Variants in DNAH2 observed in about 807,000 individuals in gnomAD.
The protein encoded by DNAH2 is axonemal beta dynein heavy chain 2.
DNAH2 carries 323 observed loss-of-function variants against 523.5 expected under a neutral mutation model. The observed-to-expected ratio is 0.62, with a 90% CI of 0.56 to 0.68. DNAH2 has a LOEUF of 0.68. DNAH2 is among the 30% of genes least tolerant of loss of function. DNAH2 has a pLI of 0.00. For synonymous variants in DNAH2, 2,093 were observed against 2,177.4 expected (o/e 0.96, Z 1.08); for missense variants, 4,907 against 5,701.5 (o/e 0.86, Z 4.49).
intron 11 of DNAH2, among the ~76,000 whole-genome samples, chr17:7,741,228 T>C (rs536923739): frequency 5.0e-5 from 7 of 141,088 alleles, no homozygotes; most frequent in East Asian, 2.1e-4. Flanking sequence ...TTTCTTTTTT[T>C]TCTCTCTCTC....
intron 49 of DNAH2, among the ~76,000 whole-genome samples, chr17:7,794,728 G>A (rs1322552177): frequency 2.0e-5 from 3 of 151,692 alleles, no homozygotes. Flanking sequence ...TCTGTAATCA[G>A]GAGAAATAAT....
intron 77 of DNAH2, among the ~76,000 whole-genome samples, 156 bp from the exon 78 acceptor site, chr17:7,830,144 T>C (rs1017232863): frequency 6.6e-6 from 1 of 152,188 alleles, no homozygotes; most frequent in Non-Finnish European, 1.5e-5. Flanking sequence ...AATGTAGATC[T>C]TGGCATGTAG....
chr17:7,751,568 G>T (rs974803258), intron 12 of DNAH2, among the ~76,000 whole-genome samples: 1 of 151,954 alleles, frequency 6.6e-6, no homozygotes, highest in African/African-American at 2.4e-5. Context: ...TTTCCTGATG[G>T]CTAGAGCCAT....
chr17:7,826,525 T>C (rs1409116274), intron 77 of DNAH2, among the ~76,000 whole-genome samples: 1 of 146,632 alleles, frequency 6.8e-6, no homozygotes, highest in African/African-American at 2.5e-5. Context: ...AATATCTGTG[T>C]GCCCATCATC....
Position 7,818,333 on chromosome 17 carries a change from T to C in DNAH2, c.10409T>C (p.Ile3470Thr), listed in dbSNP as rs1469376078. The C allele has an allele frequency of 3.8e-5, 61 of 1,614,010 alleles. No individual in the cohort carries two copies. Among genetic ancestry groups the C allele is most frequent in the Non-Finnish European group, 4.7e-5 (55 of 1,180,022 alleles). ...ARIGGRLLMRIGDKEVEYNTN... is the reference protein window; with the variant it reads ...ARIGGRLLMRTGDKEVEYNTN... ...GCAGGTGGTCGGCTGTTGATGCGCA[T>C]TGGCGATAAGGAGGTGGAATATAAT... Residue 3470 changes from isoleucine (I) to threonine (T), a missense_variant, in exon 69 of 86, where the codon ATT (isoleucine) becomes ACT (threonine). Around this residue, in one of 3 missense-constraint regions of DNAH2, gnomAD observed 1,851 missense variants for 2,139.4 expected, o/e 0.87. Coordinates refer to ENST00000572933, the MANE Select transcript of DNAH2 (RefSeq NM_020877.5).
chr17:7,816,990 G>C (rs1217678408), intron 64 of DNAH2, among the ~76,000 whole-genome samples: 2 of 152,160 alleles, frequency 1.3e-5, no homozygotes, highest in East Asian at 3.9e-4. Context: ...AAGGACTCTT[G>C]ATGTAGCCCA....
chr17:7,826,105 C>T (rs543696895), intron 77 of DNAH2, among the ~76,000 whole-genome samples: 25 of 152,306 alleles, frequency 1.6e-4, no homozygotes, highest in African/African-American at 2.9e-4. Flanking sequence ...GCCTGGGCTC[C>T]GCCTCCCAGG....
At chr17:7,776,945 A>G (rs1597622783) in intron 32 of DNAH2, 56 bp downstream of exon 32, 2 of 1,429,830 alleles carry the variant, frequency 1.4e-6, no homozygotes, top group East Asian at 4.9e-5. Flanking sequence ...TGGGAGGCAG[A>G]GGTGGTAGGA....
chr17:7,830,914 G>C, intron 79 of DNAH2, 72 bp downstream of exon 79: 1 of 1,591,424 alleles, frequency 6.3e-7, no homozygotes, highest in Non-Finnish European at 8.6e-7. Context: ...CAGGGGTGGG[G>C]GTAATGTTTG....
rs1355219038 is a variant in DNAH2, at chr17:7,821,784, G to A, written c.11142+415G>A. Among the ~76,000 whole-genome samples, 1 of 152,112 alleles carries A rather than the reference G, an allele frequency of 6.6e-6. No homozygotes were observed. The highest frequency in any genetic ancestry group is 2.4e-5 in the African/African-American group (1 of 41,396). On this transcript the variant is annotated intron_variant, in intron 73 of 85. Coordinates refer to ENST00000572933, the MANE Select transcript of DNAH2 (RefSeq NM_020877.5). The surrounding 1 kb of genome is among the most constrained non-coding windows in gnomAD (Gnocchi z 5.0). ...CCAGCTCCTCTTCCCCTCTGTCCCT[G>A]CGCGGCCAGTGCACTGAGCATGGCC...
intron 5 of DNAH2, 49 bp downstream of exon 5, chr17:7,733,364 T>C (rs981279189): frequency 1.3e-6 from 2 of 1,583,004 alleles, no homozygotes; most frequent in African/African-American, 2.7e-5. Context: ...GTCCCCCAAC[T>C]GTACAACTAG....
At chr17:7,743,581 G>A (rs1473112619) in intron 12 of DNAH2, 7 of 556,384 alleles carry the variant, frequency 1.3e-5, no homozygotes, top group African/African-American at 3.8e-5. Context: ...TGGGAGGATC[G>A]CCTGAGCCCG....
intron 18 of DNAH2, among the ~76,000 whole-genome samples, chr17:7,762,634 G>A (rs762458132): frequency 1.3e-5 from 2 of 151,904 alleles, no homozygotes; most frequent in Non-Finnish European, 2.9e-5. Context: ...AAGCCCGGCC[G>A]ACTTTGCATA....
chr17:7,755,551 C>G (rs774838843), intron 12 of DNAH2, among the ~76,000 whole-genome samples: 1 of 152,022 alleles, frequency 6.6e-6, no homozygotes, highest in African/African-American at 2.4e-5. Context: ...GAAGAAAAAC[C>G]AGGGGTCAGT....
Position 7,779,384 on chromosome 17 carries a change from C to T in DNAH2, c.5683C>T (p.Leu1895=). ...HFHFDGFEIN[L]VWSCGIFITM... The stretch of plus-strand genomic sequence containing the variant: ...CCATTTTGATGGCTTTGAAATAAAT[C>T]TGGTGTGGTCCTGTGGGATCTTCAT... Residue 1895 remains leucine (L), a synonymous_variant, in exon 36 of 86, where the codon CTG becomes TTG. Transcript: ENST00000572933. 1 of 1,613,990 alleles carries T rather than the reference C, an allele frequency of 6.2e-7. No homozygotes were observed. The highest frequency in any genetic ancestry group is 1.1e-5 in the South Asian group (1 of 91,016).
At chr17:7,753,081 C>T (rs2075734427) in intron 12 of DNAH2, among the ~76,000 whole-genome samples, 1 of 152,226 alleles carries the variant, frequency 6.6e-6, no homozygotes, top group South Asian at 2.1e-4. Flanking sequence ...TTGAGCCACA[C>T]TTGCCTTGGA....
intron 12 of DNAH2, among the ~76,000 whole-genome samples, chr17:7,752,476 C>T (rs1039989589): frequency 8.6e-5 from 13 of 152,038 alleles, no homozygotes; most frequent in African/African-American, 3.1e-4. Flanking sequence ...TTTGGGAGGC[C>T]GAGGCGGGCG....
In DNAH2 at chr17:7,770,653, G is replaced by A. The variant is rs2076290461; in HGVS notation, c.4181+14G>A. 1.2e-6 allele frequency: 2 copies of A among 1,614,128 alleles called. No homozygotes were observed. The highest frequency in any genetic ancestry group is 1.7e-6 in the Non-Finnish European group (2 of 1,179,976). On this transcript the variant is annotated intron_variant, in intron 26 of 85. Coordinates refer to ENST00000572933, the MANE Select transcript of DNAH2 (RefSeq NM_020877.5). ...TCATCGGCTCAGGTCAGGGGAGCTG[G>A]GGCTCTAGGAGAATGGAGGGCTGTG...
intron 10 of DNAH2, 53 bp from the exon 11 acceptor site, chr17:7,740,757 G>A: frequency 1.3e-6 from 2 of 1,575,350 alleles, no homozygotes; most frequent in Non-Finnish European, 8.7e-7. Flanking sequence ...TGAGTGACCG[G>A]AGGGAACCCG....
Sources: allele counts gnomAD v4.1 joint callset (sites outside exome capture counted in the v4.1 genomes callset), GRCh38; gene constraint gnomAD v4.1.1; regional missense constraint gnomAD v4.1.1; non-coding constraint Gnocchi (gnomAD v3.1); transcripts MANE v1.5; gene names NCBI Gene and HGNC (gene_info 2026-07-23, HGNC 2026-07-21).